Variants in MACROD2 observed in about 807,000 individuals in gnomAD.
MACROD2 encodes mono-ADP ribosylhydrolase 2.
Under a neutral mutation model 70.4 loss-of-function variants are expected in MACROD2, and 36 were observed. The ratio of observed to expected loss-of-function variants is 0.51; its 90% CI spans 0.39 to 0.68. MACROD2 has a LOEUF of 0.68. Among genes scored for constraint, MACROD2 ranks in the 30% least tolerant of loss-of-function variants. MACROD2 has a pLI of 0.00. For missense variants in MACROD2, 496 were observed against 538.4 expected, an observed-to-expected ratio of 0.92 and a Z score of 0.78; for synonymous variants, 172 against 178.8, an observed-to-expected ratio of 0.96 and a Z score of 0.30.
intron 3 of MACROD2, among the ~76,000 whole-genome samples, chr20:14,120,918 T>G (rs1601246712): frequency 7.2e-6 from 1 of 138,146 alleles, no homozygotes; most frequent in Admixed American, 7.6e-5. Flanking sequence ...GGGTGGGGGG[T>G]GAGGGGAGGG....
chr20:14,837,334 C>G (rs979008305), intron 5 of MACROD2, among the ~76,000 whole-genome samples: 1 of 151,878 alleles, frequency 6.6e-6, no homozygotes, highest in Non-Finnish European at 1.5e-5. Flanking sequence ...AAAAAAAAAT[C>G]TTGTTGCAGT....
Position 14,684,870 on chromosome 20 carries a change from G to A in MACROD2, c.329G>A (p.Gly110Asp). The stretch of plus-strand genomic sequence containing the variant: ...GATGGCTGTATTCATAGAGCAGCCG[G>A]CCCCTGTTTGCTAGCTGAATGTCGT... ...GVDGCIHRAA[G>D]PCLLAECRNL... Residue 110 changes from glycine to aspartate, a missense_variant, in exon 5 of 18, where the codon GGC becomes GAC. By Grantham distance (94) the Gly-to-Asp change is moderately conservative. Transcript: ENST00000684519. 6.2e-7 allele frequency: 1 copy of A among 1,613,976 alleles called. No homozygotes were observed. The highest frequency in any genetic ancestry group is 8.5e-7 in the Non-Finnish European group (1 of 1,179,908).
intron 8 of MACROD2, among the ~76,000 whole-genome samples, chr20:15,777,040 G>C (rs533767735): frequency 2.2e-4 from 34 of 152,242 alleles, no homozygotes; most frequent in African/African-American, 7.9e-4. Flanking sequence ...TCGGCTCATT[G>C]TGATTCAATG....
intron 3 of MACROD2, among the ~76,000 whole-genome samples, chr20:14,227,911 C>T (rs1217163164): frequency 6.6e-6 from 1 of 152,156 alleles, no homozygotes; most frequent in African/African-American, 2.4e-5. Flanking sequence ...AACAGCTGTT[C>T]AGTCTCTCTT....
intron 4 of MACROD2, among the ~76,000 whole-genome samples, chr20:14,517,750 A>T (rs6079468): frequency 6.6e-6 from 1 of 152,004 alleles, no homozygotes; most frequent in African/African-American, 2.4e-5. Flanking sequence ...TTCCACATGT[A>T]TGCCATTTAT....
chr20:14,093,287 A>C (rs1013025884), intron 3 of MACROD2, among the ~76,000 whole-genome samples: 1 of 151,480 alleles, frequency 6.6e-6, no homozygotes, highest in African/African-American at 2.4e-5. Context: ...GCATCCTGCT[A>C]TGTTTCCTAG....
chr20:14,492,364 T>C (rs1568637600), intron 3 of MACROD2, among the ~76,000 whole-genome samples: 1 of 152,214 alleles, frequency 6.6e-6, no homozygotes, highest in South Asian at 2.1e-4. Context: ...ACTCTTAATA[T>C]TGACATCTCG....
rs908586511 is a variant in MACROD2 at position 15,348,776 on chromosome 20, G to A, written c.541-82629G>A. Among the ~76,000 whole-genome samples, 45 of 152,120 alleles carry A rather than the reference G, an allele frequency of 3.0e-4. 1 individual carries two copies. In the East Asian group the frequency reaches 6.2e-3, roughly 21 times the overall value. On this transcript the variant is annotated intron_variant, in intron 6 of 17. Coordinates refer to ENST00000684519, the MANE Select transcript of MACROD2 (RefSeq NM_001351661.2). Reference sequence around the variant, plus strand: ...AACAGCACAGGAAAGACCTGCCCCCGTGTTTCAGTTACCTTCCACCAGGTA... The same window carrying A: ...AACAGCACAGGAAAGACCTGCCCCCATGTTTCAGTTACCTTCCACCAGGTA...
intron 2 of MACROD2, among the ~76,000 whole-genome samples, chr20:14,024,684 G>T (rs2053134498): frequency 6.6e-6 from 1 of 152,170 alleles, no homozygotes; most frequent in Non-Finnish European, 1.5e-5. Context: ...TTATTGATTT[G>T]CATATGTTGA....
intron 6 of MACROD2, among the ~76,000 whole-genome samples, chr20:15,307,344 G>A (rs1488365688): frequency 2.6e-5 from 4 of 152,150 alleles, no homozygotes; most frequent in East Asian, 1.9e-4. Flanking sequence ...GGTCTCTGAC[G>A]AAGGTTTTTA....
chr20:15,445,942 CCT>C (rs990874610), intron 7 of MACROD2, among the ~76,000 whole-genome samples: 11 of 152,184 alleles, frequency 7.2e-5, no homozygotes, highest in Middle Eastern at 3.4e-3. Flanking sequence ...CACTTGCTGA[CCT>C]CTTCTTTGAA....
chr20:14,073,280 G>A (rs908306692), intron 2 of MACROD2, among the ~76,000 whole-genome samples: 46 of 151,690 alleles, frequency 3.0e-4, no homozygotes, highest in Admixed American at 3.9e-4. Context: ...AGGTTGCAGT[G>A]AGCCAAGATC....
chr20:15,567,348 G>C (rs1027820084), intron 8 of MACROD2, among the ~76,000 whole-genome samples: 3 of 152,174 alleles, frequency 2.0e-5, no homozygotes, highest in Admixed American at 6.5e-5. Context: ...GTAGATATCT[G>C]AGTGTTTATG....
At chr20:14,099,044 C>A (rs2054265808) in intron 3 of MACROD2, among the ~76,000 whole-genome samples, 1 of 152,132 alleles carries the variant, frequency 6.6e-6, no homozygotes, top group Non-Finnish European at 1.5e-5. Context: ...CTTTGGGAGG[C>A]CGAGGCAGGT....
chr20:15,551,868 C>CAAAA (rs5840671), intron 8 of MACROD2, among the ~76,000 whole-genome samples: 1 of 121,786 alleles, frequency 8.2e-6, no homozygotes, highest in African/African-American at 3.1e-5. Context: ...GACCCTGCCT[C>CAAAA]AAAAAAAAAA....
chr20:15,758,629 T>A (rs1218262677), intron 8 of MACROD2, among the ~76,000 whole-genome samples: 1 of 150,246 alleles, frequency 6.7e-6, no homozygotes, highest in Non-Finnish European at 1.5e-5. Context: ...AGCCTCAAAC[T>A]CCTTGGCTCA....
At chr20:14,262,921 G>A (rs1406939352) in intron 3 of MACROD2, among the ~76,000 whole-genome samples, 1 of 152,176 alleles carries the variant, frequency 6.6e-6, no homozygotes, top group Non-Finnish European at 1.5e-5. Context: ...AAGAGTGATA[G>A]TAGTTCTAGA....
intron 2 of MACROD2, among the ~76,000 whole-genome samples, chr20:14,010,981 A>G (rs75662610): frequency 1.3e-5 from 2 of 152,194 alleles, no homozygotes; most frequent in East Asian, 1.9e-4. Flanking sequence ...AATTCTTCCA[A>G]ACTTTCATGA....
At chr20:14,880,845 C>T (rs1242152799) in intron 5 of MACROD2, among the ~76,000 whole-genome samples, 1 of 152,142 alleles carries the variant, frequency 6.6e-6, no homozygotes, top group East Asian at 1.9e-4. Context: ...CAACTCCCTC[C>T]ACAAAGGGGA....
Sources: gnomAD v4.1 joint callset for allele counts (sites outside exome capture counted in the v4.1 genomes callset) on GRCh38, gnomAD v4.1.1 for gene constraint, MANE v1.5 for transcripts, NCBI Gene and HGNC (gene_info 2026-07-23, HGNC 2026-07-21) for gene names.